ZNF565: variants seen among roughly 807,000 people sequenced by gnomAD.
The protein encoded by ZNF565 is zinc finger protein 565.
A neutral mutation model predicts 39.4 loss-of-function variants in ZNF565; 27 were observed. The observed-to-expected ratio is 0.69, with a 90% CI of 0.51 to 0.95. The LOEUF (loss-of-function observed/expected upper bound fraction) is 0.95, where lower values mean the gene tolerates loss of function less well. ZNF565 is among the 40% of genes least tolerant of loss of function. The pLI, the probability that ZNF565 is intolerant of heterozygous loss-of-function variation, is 0.00. For missense variants in ZNF565, 524 were observed against 621.1 expected (o/e 0.84, Z 1.66); for synonymous variants, 185 against 216.6 (o/e 0.85, Z 1.28).
At chr19:36,236,514 T>C in intron 1 of ZNF565, 1 of 1,614,178 alleles carries the variant, frequency 6.2e-7, no homozygotes, top group Non-Finnish European at 8.5e-7. Context: ...GGAAAAGTCT[T>C]CAGCCACAAA....
intron 2 of ZNF565, among the ~76,000 whole-genome samples, chr19:36,199,724 C>T (rs12461855): frequency 0.17 from 25,116 of 152,026 alleles, 2,492 homozygotes; most frequent in Non-Finnish European, 0.22. Context: ...CCATGTTGTG[C>T]AGGCTGGTCT....
intron 1 of ZNF565, among the ~76,000 whole-genome samples, chr19:36,225,892 C>G (rs1169505406): frequency 6.6e-6 from 1 of 151,134 alleles, no homozygotes; most frequent in Admixed American, 6.7e-5. Flanking sequence ...TCCCAAGTAG[C>G]TGGGACTACA....
At position 36,182,896 on chromosome 19, in the gene ZNF565, T is replaced by C; in HGVS notation, c.1070A>G (p.His357Arg). 1 of 1,614,068 alleles carries C rather than the reference T, an allele frequency of 6.2e-7. No homozygotes were observed. The highest frequency in any genetic ancestry group is 8.5e-7 in the Non-Finnish European group (1 of 1,180,006). The change falls in exon 5 of 5, where the codon CAT becomes CGT. Residue 357 changes from histidine (H) to arginine (R), a missense_variant. His to Arg is a conservative substitution (Grantham distance 29). Coordinates refer to ENST00000304116, the MANE Select transcript of ZNF565 (RefSeq NM_152477.5). ...SSEVTRHQRI[H>R]SGEKPYECKE... Reference sequence around the variant, plus strand: ...ACACTCATAGGGTTTCTCCCCAGAATGAATTCTTTGATGTCGAGTAACTTC... The same window carrying C: ...ACACTCATAGGGTTTCTCCCCAGAACGAATTCTTTGATGTCGAGTAACTTC...
chr19:36,219,984 C>G (rs1976767093), intron 1 of ZNF565, among the ~76,000 whole-genome samples: 1 of 152,082 alleles, frequency 6.6e-6, no homozygotes, highest in African/African-American at 2.4e-5. Flanking sequence ...GTATATTTAG[C>G]GTGTTCTAGA....
intron 1 of ZNF565, among the ~76,000 whole-genome samples, chr19:36,240,006 T>G (rs1977771270): frequency 6.6e-6 from 1 of 152,202 alleles, no homozygotes; most frequent in South Asian, 2.1e-4. Flanking sequence ...GATACTTAAA[T>G]GTCTAAATGA....
At position 36,183,735 on chromosome 19, in the gene ZNF565, T is replaced by G; in HGVS notation, c.233-2A>C. 6.3e-6 allele frequency: 10 copies of G among 1,596,466 alleles called. No individual in the cohort carries two copies. The highest frequency in any genetic ancestry group is 7.7e-6 in the Non-Finnish European group (9 of 1,173,118). ...ATTTCTCACACCTGGACTCCAAGTC[T>G]GAAAAATAAGAAAAAGATAAATACA... On this transcript the variant is annotated splice_acceptor_variant, in intron 4 of 4. Coordinates refer to ENST00000304116, the MANE Select transcript of ZNF565 (RefSeq NM_152477.5). LOFTEE classifies it high-confidence loss of function.
intron 1 of ZNF565, chr19:36,213,085 A>G (rs1486065249): frequency 1.3e-5 from 2 of 152,386 alleles, no homozygotes; most frequent in East Asian, 3.9e-4. Flanking sequence ...CAGAAGGCTG[A>G]GGTCACTCCT....
upstream of ZNF565, among the ~76,000 whole-genome samples, chr19:36,218,440 T>C (rs1255236127): frequency 6.6e-6 from 1 of 152,008 alleles, no homozygotes; most frequent in Non-Finnish European, 1.5e-5. Flanking sequence ...TCTGAAAGAA[T>C]AAGATATGTA....
At chr19:36,239,956 C>T (rs927540533) in intron 1 of ZNF565, among the ~76,000 whole-genome samples, 1 of 152,146 alleles carries the variant, frequency 6.6e-6, no homozygotes, top group Non-Finnish European at 1.5e-5. Context: ...CATTAAATGG[C>T]ACTGCATCAC....
rs776224541 is a variant in ZNF565, at chr19:36,183,730, A to C, written c.236T>G (p.Leu79Trp). 1.3e-6 allele frequency: 2 copies of C among 1,598,944 alleles called. No individual in the cohort carries two copies. Among genetic ancestry groups the C allele is most frequent in the African/African-American group, 2.7e-5 (2 of 73,814 alleles). The change falls in exon 5 of 5, where the codon TTG becomes TGG. Residue 79 changes from leucine (L) to tryptophan (W), a missense_variant. Coordinates refer to ENST00000304116, the MANE Select transcript of ZNF565 (RefSeq NM_152477.5). Reference protein sequence around the residue: ...NDVTGPWCPDLESRCEKFLQK... With the variant: ...NDVTGPWCPDWESRCEKFLQK... ...TAGAAATTTCTCACACCTGGACTCC[A>C]AGTCTGAAAAATAAGAAAAAGATAA...
chr19:36,244,953 CG>C (rs1414743358), intron 1 of ZNF565, among the ~76,000 whole-genome samples: 2 of 151,776 alleles, frequency 1.3e-5, no homozygotes, highest in African/African-American at 4.8e-5. Flanking sequence ...ATCTTGTTGA[CG>C]GTCAGTTTTG....
At chr19:36,209,572 A>ATGGAGGAG (rs11280988) in intron 1 of ZNF565, among the ~76,000 whole-genome samples, 43,556 of 151,808 alleles carry the variant, frequency 0.29, 7,198 homozygotes, top group African/African-American at 0.47. Flanking sequence ...AGAAGAAATG[A>ATGGAGGAG]TGACTCAGTA....
chr19:36,214,816 C>T (rs1013162083), upstream of ZNF565: 6 of 152,664 alleles, frequency 3.9e-5, no homozygotes, highest in Admixed American at 3.9e-4. Context: ...GCCCACGAGT[C>T]TTCGGAGAGG....
At chr19:36,224,232 C>A (rs919173636) in intron 1 of ZNF565, among the ~76,000 whole-genome samples, 4 of 152,040 alleles carry the variant, frequency 2.6e-5, no homozygotes, top group Non-Finnish European at 4.4e-5. Flanking sequence ...AAATACAAAA[C>A]ATTAGCTGGG....
intron 2 of ZNF565, among the ~76,000 whole-genome samples, chr19:36,200,925 T>C (rs1459368823): frequency 3.3e-5 from 5 of 151,888 alleles, no homozygotes; most frequent in African/African-American, 1.2e-4. Context: ...GCTGCGATTA[T>C]AGGCACCCAC....
At chr19:36,214,081 C>G (rs2145373755) in intron 1 of ZNF565, among the ~76,000 whole-genome samples, 1 of 152,168 alleles carries the variant, frequency 6.6e-6, no homozygotes, top group South Asian at 2.1e-4. Flanking sequence ...GACATACACA[C>G]AGTCACACTC....
intron 1 of ZNF565, among the ~76,000 whole-genome samples, chr19:36,233,879 C>G (rs1977514549): frequency 6.6e-6 from 1 of 152,168 alleles, no homozygotes; most frequent in African/African-American, 2.4e-5. Context: ...AGAGGTCTTC[C>G]TTTTTTACTA....
intron 4 of ZNF565, among the ~76,000 whole-genome samples, chr19:36,184,096 A>AC (rs1174152286): frequency 1.3e-5 from 2 of 149,594 alleles, no homozygotes; most frequent in South Asian, 2.1e-4. Context: ...AAAAAAAAAA[A>AC]AAAAAAACTA....
At chr19:36,207,165 C>A (rs959451026) in intron 1 of ZNF565, among the ~76,000 whole-genome samples, 9 of 152,122 alleles carry the variant, frequency 5.9e-5, no homozygotes, top group African/African-American at 1.7e-4. Context: ...AGCTTGTAAG[C>A]CACTGTAAGA....
Sources: gnomAD v4.1 joint callset for allele counts (sites outside exome capture counted in the v4.1 genomes callset) on GRCh38, gnomAD v4.1.1 for gene constraint, MANE v1.5 for transcripts, NCBI Gene and HGNC (gene_info 2026-07-23, HGNC 2026-07-21) for gene names.